The following HSP90B1 variants were observed in gnomAD, a reference collection of about 807,000 sequenced individuals.
The protein encoded by HSP90B1 is endoplasmin.
HSP90B1 carries 27 observed loss-of-function variants against 100.4 expected under a neutral mutation model. That is an observed-to-expected ratio of 0.27 (90% CI 0.20 to 0.37). The LOEUF is 0.37. Ranked by LOEUF, HSP90B1 falls within the 10% of genes least tolerant of loss-of-function variation. HSP90B1 has a pLI of 1.00. For synonymous variants in HSP90B1, 304 were observed against 330.8 expected (o/e 0.92, Z 0.88); for missense variants, 678 against 960.5 (o/e 0.71, Z 3.89).
chr12:103,947,642 G>A lies in HSP90B1; in HGVS notation c.2392G>A (p.Ala798Thr), dbSNP rs751610640. 2 of 1,595,542 alleles carry A rather than the reference G, an allele frequency of 1.3e-6. No homozygotes were observed. The highest frequency in any genetic ancestry group is 3.4e-5 in the Admixed American group (2 of 58,446). Residue 798 changes from alanine to threonine, a missense_variant, in exon 18 of 18, where the codon GCT (alanine) becomes ACT (threonine). Coordinates refer to ENST00000299767, the MANE Select transcript of HSP90B1 (RefSeq NM_003299.3). ...TTTTATTTATTTACAGGAATCTACA[G>A]CTGAAAAAGATGAATTGTAAATTAT... ...EEEETAKEST[A>T]EKDEL
intron 2 of HSP90B1, 60 bp from the exon 3 acceptor site, chr12:103,932,216 TC>T: frequency 7.2e-7 from 1 of 1,396,222 alleles, no homozygotes; most frequent in Non-Finnish European, 9.8e-7. Context: ...TCATCATAAT[TC>T]CTCTAGTTTT....
In HSP90B1 at chr12:103,932,600, T is replaced by C. The variant is rs573302487; in HGVS notation, c.294+182T>C. Among the ~76,000 whole-genome samples the C allele has an allele frequency of 3.7e-4, 57 of 152,360 alleles. 1 individual carries two copies. The South Asian group carries it at 9.7e-3, about 26-fold the overall frequency. ...GGAAGAAAGGGAGTGTCAGACATTTTCCTTTTCCTTTACCTCTAAATAGGT... is the reference window on the plus strand; with the variant it reads ...GGAAGAAAGGGAGTGTCAGACATTTCCCTTTTCCTTTACCTCTAAATAGGT... On this transcript the variant is annotated intron_variant, in intron 3 of 17. Transcript: ENST00000299767.
At chr12:103,942,885 A>G in intron 12 of HSP90B1, 89 bp downstream of exon 12, 1 of 1,509,740 alleles carries the variant, frequency 6.6e-7, no homozygotes, top group Non-Finnish European at 9.0e-7. Flanking sequence ...AGGAAAACTT[A>G]ATTGTGTAAC....
intron 7 of HSP90B1, among the ~76,000 whole-genome samples, chr12:103,939,285 A>G (rs562503594): frequency 2.2e-5 from 2 of 89,676 alleles, no homozygotes; most frequent in South Asian, 3.4e-4. Context: ...AATTTTTTGT[A>G]TAGTTGGAGG....
At chr12:103,946,595 T>C (rs548438460) in intron 14 of HSP90B1, 23 bp from the exon 15 acceptor site, 1 of 1,537,646 alleles carries the variant, frequency 6.5e-7, no homozygotes, top group Non-Finnish European at 9.0e-7. Flanking sequence ...GTTTTGTTAA[T>C]GTTCATTTTT....
Position 103,939,641 on chromosome 12 carries a change from T to C in HSP90B1, c.1092+16T>C, listed in dbSNP as rs1275497809. 8.4e-7 allele frequency: 1 copy of C among 1,191,310 alleles called. No homozygotes were observed. Among genetic ancestry groups the C allele is most frequent in the East Asian group, 2.5e-5 (1 of 39,462 alleles). 73.8% of individuals were successfully genotyped at this position (1,191,310 alleles called of 1,614,324 possible). On this transcript the variant is annotated intron_variant, in intron 8 of 17. Transcript: ENST00000299767. The stretch of plus-strand genomic sequence containing the variant: ...ATTTTCAAAGGTAAATATTTATAAT[T>C]CCCTAGTTTCTGGTTATTAATGAAT...
chr12:103,947,298 ATGT>A lies in HSP90B1; in HGVS notation c.2263-9_2263-7del, dbSNP rs755027113. 1.9e-6 allele frequency: 3 copies of A among 1,576,646 alleles called. No individual in the cohort carries two copies. Among genetic ancestry groups the A allele is most frequent in the African/African-American group, 2.8e-5 (2 of 72,630 alleles). On this transcript the variant is annotated splice_polypyrimidine_tract_variant and intron_variant, in intron 16 of 17. Transcript: ENST00000299767. ...ATCCAAGGCATTAATGGGCCCATAAATGTTGTGTTTAGGTGGAAGAAGAGCCCG... is the reference window on the plus strand; with the variant it reads ...ATCCAAGGCATTAATGGGCCCATAAATGTGTTTAGGTGGAAGAAGAGCCCG...
At chr12:103,946,271 T>C (rs941632377) in intron 14 of HSP90B1, among the ~76,000 whole-genome samples, 7 of 152,138 alleles carry the variant, frequency 4.6e-5, no homozygotes, top group Middle Eastern at 3.2e-3. Flanking sequence ...GGAGATTGGT[T>C]CTAGGACCCC....
intron 5 of HSP90B1, among the ~76,000 whole-genome samples, chr12:103,936,077 T>C (rs1593488572): frequency 1.3e-5 from 2 of 152,248 alleles, no homozygotes; most frequent in East Asian, 3.8e-4. Flanking sequence ...AAGTTAAGTT[T>C]CAGCCCTTTT....
chr12:103,943,227 G>C lies in HSP90B1; in HGVS notation c.1798G>C (p.Glu600Gln). Residue 600 changes from glutamate to glutamine, a missense_variant, in exon 13 of 18, where the codon GAA becomes CAA. Physicochemically the swap from Glu to Gln is conservative, Grantham distance 29. Transcript: ENST00000299767. The surrounding 1 kb of genome is among the most constrained non-coding windows in gnomAD (Gnocchi z 5.3). ...NVAKEGVKFDESEKTKESREA... is the reference protein window; with the variant it reads ...NVAKEGVKFDQSEKTKESREA... ...TGCCAAGGAAGGAGTGAAGTTCGAT[G>C]AAAGTGAGAAAACTAAGGAGAGTCG... 6.2e-7 allele frequency: 1 copy of C among 1,614,220 alleles called. No individual in the cohort carries two copies.
chr12:103,947,878 T>C lies in HSP90B1; in HGVS notation c.*216T>C. 1.8e-6 allele frequency: 1 copy of C among 568,802 alleles called. No homozygotes were observed. Among genetic ancestry groups the C allele is most frequent in the Non-Finnish European group, 3.1e-6 (1 of 317,742 alleles). 35.2% of individuals were successfully genotyped at this position (568,802 alleles called of 1,614,324 possible). On this transcript the variant is annotated 3_prime_UTR_variant, in exon 18 of 18. Transcript: ENST00000299767. ...ATTTGTACTATTTAACTGACTATTC[T>C]TGATGTAAAATCTTGTCATGTGTAT...
intron 6 of HSP90B1, 141 bp from the exon 7 acceptor site, chr12:103,938,199 A>G (rs561034099): frequency 3.2e-5 from 20 of 630,412 alleles, no homozygotes; most frequent in Non-Finnish European, 5.2e-5. Context: ...TGAAGGCAAA[A>G]TGTGGTCTAT....
rs960735621 is a variant in HSP90B1, at chr12:103,930,652, G to A, written c.49+88G>A. ...TGGGGGCGTTGAACGTGGGAGGGGG[G>A]ATCCCGGGGCCTGCGGTGGGCCAAG... On this transcript the variant is annotated intron_variant, in intron 1 of 17. Coordinates refer to ENST00000299767, the MANE Select transcript of HSP90B1 (RefSeq NM_003299.3). This position sits in a 1 kb window ranked among gnomAD's most constrained non-coding sequence, Gnocchi z 4.4. 8 of 1,346,278 alleles carry A rather than the reference G, an allele frequency of 5.9e-6. No homozygotes were observed. The highest frequency in any genetic ancestry group is 8.2e-6 in the Non-Finnish European group (8 of 974,818). The allele number at this position is 1,346,278 out of a possible 1,614,324, so 83.4% of individuals were successfully genotyped here. A position where few individuals can be genotyped will look rare whatever the true frequency, so the allele number is the denominator to read the frequency against.
chr12:103,944,833 C>T (rs533802665), intron 14 of HSP90B1, among the ~76,000 whole-genome samples: 1 of 152,334 alleles, frequency 6.6e-6, no homozygotes, highest in South Asian at 2.1e-4. Context: ...GGATTACAGG[C>T]GTGGGCCACT....
At chr12:103,941,924 CA>C (rs1293732565) in intron 11 of HSP90B1, 27 bp downstream of exon 11, 5 of 1,587,906 alleles carry the variant, frequency 3.1e-6, no homozygotes, top group Non-Finnish European at 4.3e-6. Context: ...AGAAACTCTC[CA>C]CTTTGCTGTT....
chr12:103,946,633 G>T lies in HSP90B1; in HGVS notation c.2043G>T (p.Gln681His). ...CTCTTAACAGTTACTATGCGAGTCAGAAGAAAACATTTGAAATTAATCCCA... is the reference window on the plus strand; with the variant it reads ...CTCTTAACAGTTACTATGCGAGTCATAAGAAAACATTTGAAATTAATCCCA... ...KDISTNYYAS[Q>H]KKTFEINPRH... Residue 681 changes from glutamine to histidine, a missense_variant, in exon 15 of 18, where the codon CAG (glutamine) becomes CAT (histidine). Physicochemically the swap from Gln to His is conservative, Grantham distance 24. Around this residue, in one of 8 missense-constraint regions of HSP90B1, gnomAD observed 64 missense variants for 66.4 expected, o/e 0.96. Coordinates refer to ENST00000299767, the MANE Select transcript of HSP90B1 (RefSeq NM_003299.3). 6.2e-7 allele frequency: 1 copy of T among 1,613,418 alleles called. No individual in the cohort carries two copies. Among genetic ancestry groups the T allele is most frequent in the Non-Finnish European group, 8.5e-7 (1 of 1,179,442 alleles).
chr12:103,944,703 C>T (rs149385929), intron 14 of HSP90B1, among the ~76,000 whole-genome samples: 31 of 152,188 alleles, frequency 2.0e-4, no homozygotes, highest in African/African-American at 7.0e-4. Context: ...ATTACAGGCA[C>T]CTGTCAGCAC....
In HSP90B1 at chr12:103,943,499, A is replaced by G. The variant is rs2136216894; in HGVS notation, c.1890+180A>G. On this transcript the variant is annotated intron_variant, in intron 13 of 17. Coordinates refer to ENST00000299767, the MANE Select transcript of HSP90B1 (RefSeq NM_003299.3). The surrounding 1 kb of genome is among the most constrained non-coding windows in gnomAD (Gnocchi z 5.3). ...CTTTCGACAATACTGCTTTGTTAAT[A>G]ACTTGTTACAAATTAAATTTTATGT... The G allele has an allele frequency of 1.4e-6, 1 of 694,570 alleles. No homozygotes were observed. Among genetic ancestry groups the G allele is most frequent in the East Asian group, 2.8e-5 (1 of 35,846 alleles). 43.0% of individuals were successfully genotyped at this position (694,570 alleles called of 1,614,324 possible).
Position 103,947,316 on chromosome 12 carries a change from A to G in HSP90B1, c.2268A>G (p.Glu756=), listed in dbSNP as rs752183928. 3.8e-6 allele frequency: 6 copies of G among 1,595,656 alleles called. No homozygotes were observed. In the East Asian group the frequency reaches 6.7e-5, roughly 18 times the overall value. Residue 756 remains glutamate, a synonymous_variant, in exon 17 of 18, where the codon GAA becomes GAG. Coordinates refer to ENST00000299767, the MANE Select transcript of HSP90B1 (RefSeq NM_003299.3). ...CCCATAAATGTTGTGTTTAGGTGGA[A>G]GAAGAGCCCGAAGAAGAACCTGAAG... ...SLNIDPDAKV[E]EEPEEEPEET...
Sources: gnomAD v4.1 joint callset for allele counts (sites outside exome capture counted in the v4.1 genomes callset) on GRCh38, gnomAD v4.1.1 for gene constraint, gnomAD v4.1.1 regional missense constraint, Gnocchi (gnomAD v3.1) non-coding constraint, MANE v1.5 for transcripts, NCBI Gene and HGNC (gene_info 2026-07-23, HGNC 2026-07-21) for gene names.